LIMS1: variants seen among roughly 807,000 people sequenced by gnomAD.
LIMS1 encodes LIM zinc finger domain containing 1, also known as LIM and senescent cell antigen-like-containing domain protein 1.
A neutral mutation model predicts 44.1 loss-of-function variants in LIMS1; 18 were observed. That is an observed-to-expected ratio of 0.41 (90% confidence interval 0.28 to 0.61). The LOEUF (loss-of-function observed/expected upper bound fraction) is 0.61, where lower values mean the gene tolerates loss of function less well. Among genes scored for constraint, LIMS1 ranks in the 20% least tolerant of loss-of-function variants. The pLI is 0.32. For synonymous variants in LIMS1, 93 were observed against 149.1 expected, an observed-to-expected ratio of 0.62 and a Z score of 2.74; for missense variants, 201 against 422.0, an observed-to-expected ratio of 0.48 and a Z score of 4.59.
At chr2:108,675,075 G>T (rs1163582611) in intron 5 of LIMS1, among the ~76,000 whole-genome samples, 1 of 152,092 alleles carries the variant, frequency 6.6e-6, no homozygotes, top group Non-Finnish European at 1.5e-5. Context: ...TCAACAGCTT[G>T]TGACAATTTA....
At chr2:108,682,030 A>G (rs762460072) in intron 9 of LIMS1, among the ~76,000 whole-genome samples, 9 of 152,138 alleles carry the variant, frequency 5.9e-5, no homozygotes, top group African/African-American at 9.7e-5. Flanking sequence ...CATTTCCTCA[A>G]TGTCTTCAAA....
chr2:108,579,387 A>G (rs1685801525), intron 1 of LIMS1, among the ~76,000 whole-genome samples: 1 of 152,202 alleles, frequency 6.6e-6, no homozygotes, highest in South Asian at 2.1e-4. Context: ...AAGCATATGA[A>G]CTTATTACTA....
At chr2:108,609,923 A>G (rs1002996101) in intron 1 of LIMS1, among the ~76,000 whole-genome samples, 1 of 152,160 alleles carries the variant, frequency 6.6e-6, no homozygotes, top group African/African-American at 2.4e-5. Flanking sequence ...TGGGCGGATC[A>G]CGAGGTCAGG....
At chr2:108,570,300 C>T (rs921821927) in intron 1 of LIMS1, among the ~76,000 whole-genome samples, 4 of 152,020 alleles carry the variant, frequency 2.6e-5, no homozygotes, top group African/African-American at 9.7e-5. Flanking sequence ...CATGGTGGCG[C>T]GTGCCTGTAA....
Position 108,672,410 on chromosome 2 carries a change from T to TC in LIMS1, c.346dup (p.Leu116ProfsTer20). On this transcript the variant is annotated frameshift_variant, in exon 4 of 10. Transcript: ENST00000544547. LOFTEE classifies it high-confidence loss of function. ...TCCGCTGTGACCTCTGCCAGGAAGTTCTGGCAGATATCGGGTTTGTCAAGA... is the reference window on the plus strand; with the variant it reads ...TCCGCTGTGACCTCTGCCAGGAAGTTCCTGGCAGATATCGGGTTTGTCAAGA... 2.8e-6 allele frequency: 3 copies of TC among 1,056,518 alleles called. No homozygotes were observed. Among genetic ancestry groups the TC allele is most frequent in the Non-Finnish European group, 4.0e-6 (3 of 747,974 alleles). The allele number at this position is 1,056,518 out of a possible 1,614,324, so 65.4% of individuals were successfully genotyped here. A position where few individuals can be genotyped will look rare whatever the true frequency, so the allele number is the denominator to read the frequency against.
chr2:108,609,096 A>G (rs1687442406), intron 1 of LIMS1, among the ~76,000 whole-genome samples: 2 of 152,180 alleles, frequency 1.3e-5, no homozygotes, highest in Non-Finnish European at 2.9e-5. Flanking sequence ...GTTATCTCCC[A>G]AGAGTAATAG....
intron 8 of LIMS1, 56 bp downstream of exon 8, chr2:108,678,083 T>G (rs2438721): frequency 6.9e-5 from 111 of 1,605,264 alleles, no homozygotes; most frequent in African/African-American, 2.2e-4. Flanking sequence ...AACACTTGGG[T>G]AATGTGGAAA....
intron 1 of LIMS1, among the ~76,000 whole-genome samples, chr2:108,642,195 C>T (rs1024867413): frequency 1.3e-5 from 2 of 152,042 alleles, no homozygotes; most frequent in Non-Finnish European, 2.9e-5. Context: ...AAGCACTCCG[C>T]TTTTTCTATA....
chr2:108,544,133 ATTATAGATTAGTTGT>A (rs1558780797), intron 1 of LIMS1, among the ~76,000 whole-genome samples: 1 of 152,192 alleles, frequency 6.6e-6, no homozygotes, highest in East Asian at 1.9e-4. Flanking sequence ...GTTAGTAGTT[ATTATAGATTAGTTGT>A]TACTTATTGA....
intron 1 of LIMS1, among the ~76,000 whole-genome samples, chr2:108,553,921 A>G (rs1218475775): frequency 6.6e-6 from 1 of 152,166 alleles, no homozygotes; most frequent in East Asian, 1.9e-4. Context: ...AGGGACAAAC[A>G]TTTGTGTAGT....
At chr2:108,607,390 C>A in intron 1 of LIMS1, 1 of 846,336 alleles carries the variant, frequency 1.2e-6, no homozygotes, top group Non-Finnish European at 1.9e-6. Flanking sequence ...GTGATTTTTA[C>A]ACAAGGGTGT....
chr2:108,676,082 G>A (rs1271455520), intron 6 of LIMS1, 54 bp downstream of exon 6: 126 of 1,537,702 alleles, frequency 8.2e-5, no homozygotes, highest in Non-Finnish European at 1.1e-4. Context: ...CATGATTAAG[G>A]GGTAACCAAT....
intron 1 of LIMS1, among the ~76,000 whole-genome samples, chr2:108,613,170 G>A (rs1306926655): frequency 1.3e-5 from 2 of 152,128 alleles, no homozygotes. Context: ...GTGCTGGGTA[G>A]GTACTCCAAC....
intron 1 of LIMS1, among the ~76,000 whole-genome samples, chr2:108,543,369 G>A (rs528998768): frequency 1.3e-5 from 2 of 152,290 alleles, no homozygotes; most frequent in South Asian, 4.2e-4. Context: ...TTTCAATACT[G>A]ACTGACTGGT....
chr2:108,607,330 G>C (rs1357838729), intron 1 of LIMS1: 5 of 1,365,982 alleles, frequency 3.7e-6, no homozygotes, highest in Non-Finnish European at 5.1e-6. Context: ...GAGCACACCA[G>C]TTGTCTGGTA....
intron 1 of LIMS1, among the ~76,000 whole-genome samples, chr2:108,535,848 GT>G (rs529750535): frequency 1.2e-3 from 176 of 152,314 alleles, no homozygotes; most frequent in African/African-American, 4.0e-3. Context: ...TAGTTTGTCA[GT>G]TGTTCTTTCC....
At chr2:108,662,047 A>G (rs1257090017) in intron 2 of LIMS1, among the ~76,000 whole-genome samples, 2 of 152,184 alleles carry the variant, frequency 1.3e-5, no homozygotes, top group Non-Finnish European at 2.9e-5. Flanking sequence ...GAAATGGGCA[A>G]TTATGACAAA....
chr2:108,610,509 C>T (rs1687542484), intron 1 of LIMS1, among the ~76,000 whole-genome samples: 1 of 151,986 alleles, frequency 6.6e-6, no homozygotes, highest in South Asian at 2.1e-4. Flanking sequence ...CCCAAAATAC[C>T]TCAGGGCTGG....
chr2:108,669,841 G>T (rs192227013), intron 2 of LIMS1, among the ~76,000 whole-genome samples: 2 of 152,010 alleles, frequency 1.3e-5, no homozygotes, highest in African/African-American at 4.8e-5. Context: ...TGGGAGGAAA[G>T]GGCAGCCCTA....
Sources: gnomAD v4.1 joint callset for allele counts (sites outside exome capture counted in the v4.1 genomes callset) on GRCh38, gnomAD v4.1.1 for gene constraint, MANE v1.5 for transcripts, NCBI Gene and HGNC (gene_info 2026-07-23, HGNC 2026-07-21) for gene names.